The following DACH1 variants were observed in gnomAD, a reference collection of about 807,000 sequenced individuals.
DACH1 encodes dachshund family transcription factor 1, also known as dachshund homolog 1.
A neutral mutation model predicts 54.2 loss-of-function variants in DACH1; 12 were observed. The observed-to-expected ratio is 0.22, with a 90% CI of 0.14 to 0.36. The LOEUF is 0.36. DACH1 is among the 10% of genes least tolerant of loss of function. The pLI, the probability that DACH1 is intolerant of heterozygous loss-of-function variation, is 1.00. For missense variants in DACH1, 805 were observed against 929.8 expected (o/e 0.87, Z 1.75); for synonymous variants, 386 against 366.2 (o/e 1.05, Z -0.62).
intron 2 of DACH1, among the ~76,000 whole-genome samples, chr13:71,632,942 C>CTTAA (rs966818730): frequency 6.6e-6 from 1 of 152,158 alleles, no homozygotes; most frequent in African/African-American, 2.4e-5. Context: ...TTCCTGTTCT[C>CTTAA]TTAAAAGTCT....
chr13:71,641,175 T>A (rs1877870013), intron 2 of DACH1, among the ~76,000 whole-genome samples: 1 of 152,018 alleles, frequency 6.6e-6, no homozygotes, highest in Admixed American at 6.6e-5. Flanking sequence ...TCTGATACAG[T>A]AAATAAATGT....
chr13:71,807,241 C>A (rs1427871585), intron 1 of DACH1, among the ~76,000 whole-genome samples: 2 of 152,018 alleles, frequency 1.3e-5, no homozygotes, highest in African/African-American at 4.8e-5. Flanking sequence ...TCCAACATGG[C>A]ATGTTTATAT....
At chr13:71,478,170 T>A (rs1398035009) in intron 8 of DACH1, among the ~76,000 whole-genome samples, 1 of 152,214 alleles carries the variant, frequency 6.6e-6, no homozygotes, top group East Asian at 1.9e-4. Context: ...ATTTATTCAC[T>A]TGGAATACAG....
intron 3 of DACH1, among the ~76,000 whole-genome samples, chr13:71,588,658 A>AT (rs981844752): frequency 1.3e-5 from 2 of 152,034 alleles, no homozygotes; most frequent in African/African-American, 2.4e-5. Flanking sequence ...TTCAGAAACA[A>AT]TTTTTTGTAA....
chr13:71,653,165 AT>A (rs2138628343), intron 2 of DACH1, among the ~76,000 whole-genome samples: 1 of 152,250 alleles, frequency 6.6e-6, no homozygotes, highest in East Asian at 1.9e-4. Flanking sequence ...GACAAAATTC[AT>A]CCCCATTTCC....
chr13:71,502,115 T>C (rs1038409849), intron 6 of DACH1, among the ~76,000 whole-genome samples: 1 of 152,110 alleles, frequency 6.6e-6, no homozygotes, highest in Non-Finnish European at 1.5e-5. Flanking sequence ...ATTCAAAAAA[T>C]ATAATTGTAT....
At chr13:71,477,098 ATATATATTT>A (rs1877605827) in intron 8 of DACH1, among the ~76,000 whole-genome samples, 3 of 51,730 alleles carry the variant, frequency 5.8e-5, no homozygotes, top group African/African-American at 1.4e-4. Flanking sequence ...ATATATATAT[ATATATATTT>A]TTTTTTTTTT....
At chr13:71,848,930 C>T (rs752801709) in intron 1 of DACH1, among the ~76,000 whole-genome samples, 5 of 152,118 alleles carry the variant, frequency 3.3e-5, no homozygotes, top group Non-Finnish European at 5.9e-5. Flanking sequence ...AAAGTTATCT[C>T]CATTATTCCC....
chr13:71,592,868 G>A (rs534477155), intron 3 of DACH1, among the ~76,000 whole-genome samples: 5 of 152,196 alleles, frequency 3.3e-5, no homozygotes, highest in Admixed American at 6.5e-5. Flanking sequence ...ACCCAGTATG[G>A]TCCAGAGTAG....
intron 3 of DACH1, among the ~76,000 whole-genome samples, chr13:71,602,570 G>C (rs914997491): frequency 6.6e-6 from 1 of 151,940 alleles, no homozygotes; most frequent in Non-Finnish European, 1.5e-5. Flanking sequence ...ATTATACCAT[G>C]AACCCAGCAA....
intron 6 of DACH1, among the ~76,000 whole-genome samples, chr13:71,523,631 C>T (rs1457739777): frequency 2.0e-5 from 3 of 152,088 alleles, no homozygotes; most frequent in Admixed American, 2.0e-4. Flanking sequence ...TTTTCTCCTA[C>T]AAGATGCATT....
At chr13:71,667,199 A>C (rs1879899719) in intron 2 of DACH1, among the ~76,000 whole-genome samples, 1 of 152,172 alleles carries the variant, frequency 6.6e-6, no homozygotes, top group Non-Finnish European at 1.5e-5. Flanking sequence ...TCTCTTACAG[A>C]TAAAAGAAAC....
intron 4 of DACH1, among the ~76,000 whole-genome samples, chr13:71,569,425 A>C (rs1885071660): frequency 6.6e-6 from 1 of 152,114 alleles, no homozygotes; most frequent in Admixed American, 6.6e-5. Flanking sequence ...CCAACACTAC[A>C]TTTTGAATTT....
At chr13:71,705,145 G>A (rs1240722131) in intron 1 of DACH1, among the ~76,000 whole-genome samples, 1 of 152,134 alleles carries the variant, frequency 6.6e-6, no homozygotes, top group African/African-American at 2.4e-5. Context: ...CAAGATATAA[G>A]GTGTAGGACA....
intron 1 of DACH1, among the ~76,000 whole-genome samples, chr13:71,758,620 C>T (rs1178465515): frequency 1.3e-5 from 2 of 152,112 alleles, no homozygotes; most frequent in Non-Finnish European, 2.9e-5. Context: ...CCTTGAAACG[C>T]ACCACTTAAT....
intron 1 of DACH1, among the ~76,000 whole-genome samples, chr13:71,831,610 A>G (rs1888593488): frequency 6.6e-6 from 1 of 151,882 alleles, no homozygotes; most frequent in South Asian, 2.1e-4. Context: ...TGAACAGCTT[A>G]ATAATCTATC....
At chr13:71,717,228 A>C (rs1883014220) in intron 1 of DACH1, among the ~76,000 whole-genome samples, 1 of 152,178 alleles carries the variant, frequency 6.6e-6, no homozygotes, top group Non-Finnish European at 1.5e-5. Context: ...AATTATTTTA[A>C]ATGTCAGTCA....
chr13:71,647,146 A>G (rs1249438325), intron 2 of DACH1, among the ~76,000 whole-genome samples: 3 of 152,232 alleles, frequency 2.0e-5, no homozygotes, highest in Non-Finnish European at 4.4e-5. Context: ...AATAAAAATG[A>G]TACTTGGATG....
intron 6 of DACH1, among the ~76,000 whole-genome samples, chr13:71,506,440 T>C (rs1880332048): frequency 1.3e-5 from 2 of 151,814 alleles, no homozygotes; most frequent in Admixed American, 1.3e-4. Flanking sequence ...TCCAATTTCA[T>C]CCATGTCCCT....
Sources: allele counts gnomAD v4.1 joint callset (sites outside exome capture counted in the v4.1 genomes callset), GRCh38; gene constraint gnomAD v4.1.1; transcripts MANE v1.5; gene names NCBI Gene and HGNC (gene_info 2026-07-23, HGNC 2026-07-21).